Variants in KDM3A observed in about 807,000 individuals in gnomAD.
The protein encoded by KDM3A is lysine demethylase 3A.
KDM3A carries 60 observed loss-of-function variants against 158.0 expected under a neutral mutation model. The observed-to-expected ratio is 0.38, with a 90% confidence interval of 0.31 to 0.47. KDM3A has a LOEUF of 0.47. Among genes scored for constraint, KDM3A ranks in the 20% least tolerant of loss-of-function variants. The pLI is 0.99. For synonymous variants in KDM3A, 608 were observed against 549.3 expected, an observed-to-expected ratio of 1.11 and a Z score of -1.49; for missense variants, 1,319 against 1,574.3, an observed-to-expected ratio of 0.84 and a Z score of 2.74.
intron 9 of KDM3A, 74 bp from the exon 10 acceptor site, chr2:86,466,294 CCAAA>C (rs774014923): frequency 2.5e-5 from 36 of 1,419,328 alleles, no homozygotes; most frequent in Non-Finnish European, 3.0e-5. Flanking sequence ...CCTTAGGGAA[CCAAA>C]CAGTTTGTTT....
chr2:86,440,055 T>C (rs1315944327), upstream of KDM3A, among the ~76,000 whole-genome samples: 3 of 152,216 alleles, frequency 2.0e-5, no homozygotes, highest in Admixed American at 6.5e-5. Context: ...AAAAACATTT[T>C]TACCATATGT....
At chr2:86,443,171 TCAGAA>T (rs1431925133) in intron 2 of KDM3A, 2 of 152,212 alleles carry the variant, frequency 1.3e-5, no homozygotes, top group Non-Finnish European at 2.9e-5. Context: ...AGGAAGCTTG[TCAGAA>T]CAGAAGATAT....
chr2:86,447,636 G>A (rs1330793521), intron 2 of KDM3A, among the ~76,000 whole-genome samples: 2 of 152,104 alleles, frequency 1.3e-5, no homozygotes, highest in Non-Finnish European at 2.9e-5. Flanking sequence ...GCCTAACTAT[G>A]CAATGAGAGG....
upstream of KDM3A, among the ~76,000 whole-genome samples, chr2:86,440,042 A>G (rs1030608021): frequency 6.6e-6 from 1 of 152,190 alleles, no homozygotes; most frequent in Non-Finnish European, 1.5e-5. Context: ...GACTTTTCAC[A>G]TGAAAAACAT....
intron 21 of KDM3A, chr2:86,486,996 G>GTGCTGTGGGTC (rs1345124417): frequency 6.6e-6 from 1 of 152,312 alleles, no homozygotes; most frequent in Non-Finnish European, 1.5e-5. Flanking sequence ...AGTCCTCCAT[G>GTGCTGTGGGTC]TGCTGTGGGT....
At position 86,491,128 on chromosome 2, in the gene KDM3A, T is replaced by G. The variant is rs1674435398; in HGVS notation, c.3751-13T>G. ...TTGGGTTTGTTACTGATATATTACTTGGTGTTTTTCAGGTTCATAACTTAT... is the reference window on the plus strand; with the variant it reads ...TTGGGTTTGTTACTGATATATTACTGGGTGTTTTTCAGGTTCATAACTTAT... On this transcript the variant is annotated splice_polypyrimidine_tract_variant and intron_variant, in intron 24 of 25. Transcript: ENST00000312912. 6.2e-7 allele frequency: 1 copy of G among 1,613,758 alleles called. No homozygotes were observed. Among genetic ancestry groups the G allele is most frequent in the Non-Finnish European group, 8.5e-7 (1 of 1,179,814 alleles).
chr2:86,456,917 T>C, intron 7 of KDM3A, 40 bp downstream of exon 7: 1 of 1,570,124 alleles, frequency 6.4e-7, no homozygotes, highest in South Asian at 1.1e-5. Context: ...CCTTCCTCCT[T>C]TCCTCCGTTC....
At chr2:86,437,290 G>C (rs1434034153), upstream of KDM3A, among the ~76,000 whole-genome samples, 1 of 152,030 alleles carries the variant, frequency 6.6e-6, no homozygotes, top group East Asian at 1.9e-4. Flanking sequence ...TGGGATTGTG[G>C]ATGTGCACCA....
intron 2 of KDM3A, among the ~76,000 whole-genome samples, chr2:86,447,578 AC>A (rs1396403710): frequency 1.3e-5 from 2 of 152,042 alleles, no homozygotes; most frequent in African/African-American, 4.8e-5. Context: ...TATTAAAACT[AC>A]CTAGTTGTCT....
chr2:86,477,809 C>T (rs559563503), intron 12 of KDM3A, 68 bp from the exon 13 acceptor site: 4 of 1,459,132 alleles, frequency 2.7e-6, no homozygotes, highest in East Asian at 4.6e-5. Flanking sequence ...ACAATAACCC[C>T]TACCTTTCGT....
At chr2:86,460,260 G>C (rs72930369) in intron 8 of KDM3A, among the ~76,000 whole-genome samples, 20,427 of 151,992 alleles carry the variant, frequency 0.13, 1,500 homozygotes, top group Middle Eastern at 0.16. Context: ...CCATACTCTT[G>C]TAGCCTCCTT....
At chr2:86,447,812 T>C (rs551939393) in intron 2 of KDM3A, among the ~76,000 whole-genome samples, 1 of 152,322 alleles carries the variant, frequency 6.6e-6, no homozygotes, top group South Asian at 2.1e-4. Context: ...GAATTCAAGG[T>C]CTCTGAATCT....
chr2:86,449,761 A>G (rs778292625), intron 2 of KDM3A, 46 bp from the exon 3 acceptor site: 4 of 1,554,660 alleles, frequency 2.6e-6, no homozygotes, highest in Non-Finnish European at 1.7e-6. Flanking sequence ...TGCTTATTTT[A>G]ATAAATTGAA....
chr2:86,456,073 A>C (rs1360557216), intron 5 of KDM3A, among the ~76,000 whole-genome samples: 1 of 151,926 alleles, frequency 6.6e-6, no homozygotes, highest in African/African-American at 2.4e-5. Context: ...CATTAATTTG[A>C]TACTCCTTAC....
intron 11 of KDM3A, among the ~76,000 whole-genome samples, chr2:86,472,062 A>G (rs1410335855): frequency 1.3e-5 from 2 of 152,126 alleles, no homozygotes; most frequent in Non-Finnish European, 2.9e-5. Flanking sequence ...GCTATGAAAA[A>G]TATAACTAGA....
At chr2:86,454,643 A>G (rs927254019) in intron 4 of KDM3A, among the ~76,000 whole-genome samples, 34 of 152,112 alleles carry the variant, frequency 2.2e-4, no homozygotes, top group African/African-American at 8.2e-4. Context: ...AGTAATTGCA[A>G]TGAATCGACC....
chr2:86,455,989 A>G (rs980384232), intron 5 of KDM3A, among the ~76,000 whole-genome samples: 15 of 150,894 alleles, frequency 9.9e-5, no homozygotes, highest in Admixed American at 8.6e-4. Flanking sequence ...GAAAAAAGAT[A>G]TTTTTAAAGC....
At chr2:86,490,570 T>A (rs986789183) in intron 23 of KDM3A, 1 of 198,486 alleles carries the variant, frequency 5.0e-6, no homozygotes, top group Admixed American at 5.5e-5. Context: ...AACAAGTTCA[T>A]TTATAAGGAT....
At chr2:86,474,751 T>C (rs763694215) in intron 11 of KDM3A, 25 bp from the exon 12 acceptor site, 9 of 1,140,556 alleles carry the variant, frequency 7.9e-6, no homozygotes, top group Non-Finnish European at 1.2e-5. Context: ...GTACATTACA[T>C]CTTTTTTTCC....
Sources: allele counts gnomAD v4.1 joint callset (sites outside exome capture counted in the v4.1 genomes callset), GRCh38; gene constraint gnomAD v4.1.1; transcripts MANE v1.5; gene names NCBI Gene and HGNC (gene_info 2026-07-23, HGNC 2026-07-21).